Variants in PRDM6 observed in about 807,000 individuals in gnomAD.
PRDM6 encodes putative histone-lysine N-methyltransferase PRDM6.
In PRDM6, 25 loss-of-function variants were observed where a neutral mutation model predicts 60.8. The ratio of observed to expected loss-of-function variants is 0.41; its 90% CI spans 0.30 to 0.57. The LOEUF (loss-of-function observed/expected upper bound fraction) is 0.57, where lower values mean the gene tolerates loss of function less well. PRDM6 is among the 20% of genes least tolerant of loss of function. The pLI, the probability that PRDM6 is intolerant of heterozygous loss-of-function variation, is 0.27. For missense variants in PRDM6, 839 were observed against 821.3 expected (o/e 1.02, Z -0.26); for synonymous variants, 407 against 357.4 (o/e 1.14, Z -1.57).
At chr5:123,100,467 C>A (rs1764076529) in intron 3 of PRDM6, among the ~76,000 whole-genome samples, 1 of 152,108 alleles carries the variant, frequency 6.6e-6, no homozygotes, top group Non-Finnish European at 1.5e-5. Context: ...CAGATAAAAA[C>A]AATTTTGTCA....
At chr5:123,153,086 G>T (rs1765406025) in intron 3 of PRDM6, among the ~76,000 whole-genome samples, 1 of 151,910 alleles carries the variant, frequency 6.6e-6, no homozygotes. Context: ...GAAATCAGAG[G>T]CTGATAGTAT....
At chr5:123,174,036 C>T (rs1328395817) in intron 6 of PRDM6, among the ~76,000 whole-genome samples, 1 of 152,156 alleles carries the variant, frequency 6.6e-6, no homozygotes, top group East Asian at 1.9e-4. Context: ...CTGCTGAATA[C>T]AGGTTGAGTA....
chr5:123,186,412 G>A (rs778367631), intron 7 of PRDM6, among the ~76,000 whole-genome samples: 1 of 152,200 alleles, frequency 6.6e-6, no homozygotes, highest in Non-Finnish European at 1.5e-5. Flanking sequence ...AAATCTTGAA[G>A]TGTGACATTT....
At chr5:123,186,128 G>A (rs374780649) in intron 7 of PRDM6, among the ~76,000 whole-genome samples, 2 of 152,180 alleles carry the variant, frequency 1.3e-5, no homozygotes, top group East Asian at 1.9e-4. Flanking sequence ...TGGAGAAGTC[G>A]CTGTCTGTGC....
Position 123,188,471 on chromosome 5 carries a change from T to C in PRDM6, c.*1270T>C, listed in dbSNP as rs908200136. On this transcript the variant is annotated 3_prime_UTR_variant, in exon 8 of 8. Coordinates refer to ENST00000407847, the MANE Select transcript of PRDM6 (RefSeq NM_001136239.4). Reference sequence around the variant, plus strand: ...CCTGTTGGTGGTTCAACAGTGGTGCTCAATGAAATTGGGTCACATTTAATG... The same window carrying C: ...CCTGTTGGTGGTTCAACAGTGGTGCCCAATGAAATTGGGTCACATTTAATG... 4.6e-5 allele frequency: 7 copies of C among 152,228 alleles called. No homozygotes were observed. Among genetic ancestry groups the C allele is most frequent in the Non-Finnish European group, 5.9e-5 (4 of 68,036 alleles). The allele number at this position is 152,228 out of a possible 1,614,324, so 9.4% of individuals were successfully genotyped here.
intron 5 of PRDM6, among the ~76,000 whole-genome samples, chr5:123,165,305 A>C (rs1467994851): frequency 6.6e-6 from 1 of 151,718 alleles, no homozygotes; most frequent in Non-Finnish European, 1.5e-5. Context: ...AGCAGCTCTC[A>C]CTCCCAATCA....
intron 3 of PRDM6, among the ~76,000 whole-genome samples, chr5:123,154,205 A>G (rs1183971451): frequency 1.3e-5 from 2 of 152,246 alleles, no homozygotes; most frequent in African/African-American, 2.4e-5. Flanking sequence ...AGTGTAATCA[A>G]TCCTAAATAT....
At chr5:123,178,597 G>A (rs534897155) in intron 6 of PRDM6, among the ~76,000 whole-genome samples, 48 of 152,236 alleles carry the variant, frequency 3.2e-4, no homozygotes, top group African/African-American at 1.1e-3. Context: ...TTTGAAACTT[G>A]TTTGAGAGCA....
chr5:123,098,077 AGCT>A (rs140145672), intron 2 of PRDM6, among the ~76,000 whole-genome samples: 5 of 152,362 alleles, frequency 3.3e-5, no homozygotes, highest in African/African-American at 1.2e-4. Flanking sequence ...GGTTGCGATT[AGCT>A]GTTCCTGACA....
In PRDM6 at chr5:123,167,654, G is replaced by A. The variant is rs150198533; in HGVS notation, c.1154-3112G>A. ...TCTGCTTGCGTCAGCCTCCCAAAGTGCTGGGATTACAGGCGTGAGCCACCA... is the reference window on the plus strand; with the variant it reads ...TCTGCTTGCGTCAGCCTCCCAAAGTACTGGGATTACAGGCGTGAGCCACCA... On this transcript the variant is annotated intron_variant, in intron 5 of 7. Transcript: ENST00000407847. 4.9e-3 allele frequency among the ~76,000 whole-genome samples: 740 copies of A among 152,308 alleles called. 8 individuals carry two copies. The highest frequency in any genetic ancestry group is 0.017 in the African/African-American group (711 of 41,572).
chr5:123,156,371 C>G (rs1765501176), intron 4 of PRDM6, among the ~76,000 whole-genome samples: 1 of 152,196 alleles, frequency 6.6e-6, no homozygotes, highest in Non-Finnish European at 1.5e-5. Flanking sequence ...GTCAGAGATT[C>G]AGCCTCAGGT....
intron 6 of PRDM6, among the ~76,000 whole-genome samples, 173 bp downstream of exon 6, chr5:123,171,281 C>T (rs1765885336): frequency 6.6e-6 from 1 of 152,190 alleles, no homozygotes; most frequent in Admixed American, 6.5e-5. Flanking sequence ...CATATAAGGG[C>T]TGCACAGACA....
chr5:123,109,183 A>T (rs1330715725), intron 3 of PRDM6, among the ~76,000 whole-genome samples: 1 of 99,398 alleles, frequency 1.0e-5, no homozygotes, highest in East Asian at 2.3e-4. Context: ...CTTTTTATAC[A>T]TGAAAGTGTT....
intron 3 of PRDM6, among the ~76,000 whole-genome samples, chr5:123,133,721 A>G (rs1764888733): frequency 6.6e-6 from 1 of 152,042 alleles, no homozygotes; most frequent in Admixed American, 6.6e-5. Context: ...TGGCTATTTA[A>G]AGAGTTTTGA....
At chr5:123,130,303 G>C (rs147200683) in intron 3 of PRDM6, among the ~76,000 whole-genome samples, 57 of 23,522 alleles carry the variant, frequency 2.4e-3, no homozygotes, top group East Asian at 4.8e-3. Context: ...CTCCCCTCCC[G>C]TCCCCTTCCC....
intron 3 of PRDM6, among the ~76,000 whole-genome samples, chr5:123,141,396 A>T (rs948830633): frequency 1.3e-5 from 2 of 152,032 alleles, no homozygotes; most frequent in Non-Finnish European, 2.9e-5. Context: ...ATTTTTCAGA[A>T]TTTTTTATGA....
intron 3 of PRDM6, among the ~76,000 whole-genome samples, chr5:123,139,940 A>G (rs1765060757): frequency 6.6e-6 from 1 of 152,138 alleles, no homozygotes; most frequent in Admixed American, 6.6e-5. Context: ...AAATGTTTTT[A>G]TGATTTGTTT....
chr5:123,089,975 C>G, intron 1 of PRDM6, 25 bp from the exon 2 acceptor site: 1 of 1,505,226 alleles, frequency 6.6e-7, no homozygotes, highest in Non-Finnish European at 9.0e-7. Context: ...TCACGCGCCC[C>G]CTCTTCCCTG....
chr5:123,174,899 A>G (rs1765969929), intron 6 of PRDM6, among the ~76,000 whole-genome samples: 1 of 152,256 alleles, frequency 6.6e-6, no homozygotes, highest in Admixed American at 6.5e-5. Flanking sequence ...AGCAAAATCA[A>G]AAATCTCTTC....
Sources: allele counts gnomAD v4.1 joint callset (sites outside exome capture counted in the v4.1 genomes callset), GRCh38; gene constraint gnomAD v4.1.1; transcripts MANE v1.5; gene names NCBI Gene and HGNC (gene_info 2026-07-23, HGNC 2026-07-21).